TOR1A: variants seen among roughly 807,000 people sequenced by gnomAD.
TOR1A encodes the protein torsin family 1 member A, also known as torsin-1A.
A neutral mutation model predicts 31.4 loss-of-function variants in TOR1A; 18 were observed. That is an observed-to-expected ratio of 0.57 (90% CI 0.40 to 0.85). The LOEUF is 0.85. Ranked by LOEUF, TOR1A falls within the 40% of genes least tolerant of loss-of-function variation. TOR1A has a pLI of 0.00. For missense variants in TOR1A, 375 were observed against 416.4 expected, an observed-to-expected ratio of 0.90 and a Z score of 0.87; for synonymous variants, 168 against 165.9, an observed-to-expected ratio of 1.01 and a Z score of -0.10.
intron 1 of TOR1A, 38 bp downstream of exon 1, chr9:129,823,869 CA>C: frequency 1.3e-6 from 2 of 1,536,924 alleles, no homozygotes; most frequent in Non-Finnish European, 8.8e-7. Context: ...CGCCCAGCCC[CA>C]GCCCCAGCCC....
At position 129,823,896 on chromosome 9, in the gene TOR1A, G is replaced by A; in HGVS notation, c.178+12C>T. ...GCCCCAGCCCCAGCCTCCAGCCCCC[G>A]CCCCAGCCTACCCTCCCGGCTAAGG... On this transcript the variant is annotated intron_variant, in intron 1 of 4. Transcript: ENST00000351698. 1 of 587,712 alleles carries A rather than the reference G, an allele frequency of 1.7e-6. No individual in the cohort carries two copies. Among genetic ancestry groups the A allele is most frequent in the Non-Finnish European group, 2.9e-6 (1 of 350,154 alleles). The allele number at this position is 587,712 out of a possible 1,614,324, so 36.4% of individuals were successfully genotyped here.
At chr9:129,818,458 T>C (rs1380824724) in intron 4 of TOR1A, 62 bp downstream of exon 4, 10 of 1,609,766 alleles carry the variant, frequency 6.2e-6, no homozygotes, top group African/African-American at 1.3e-5. Flanking sequence ...CCCTGATGCT[T>C]TTAACACTTA....
rs963957915 is a variant in TOR1A, at chr9:129,813,666, A to C, written c.*306T>G. On this transcript the variant is annotated 3_prime_UTR_variant, in exon 5 of 5. Transcript: ENST00000351698. Reference sequence around the variant, plus strand: ...AATAAAACTTATTCATCCTTCCTTGAAACAGAAACACTTGGAATTAAAACA... The same window carrying C: ...AATAAAACTTATTCATCCTTCCTTGCAACAGAAACACTTGGAATTAAAACA... The C allele has an allele frequency of 1.5e-5, 7 of 472,300 alleles. No homozygotes were observed. The East Asian group carries it at 2.8e-4, about 19-fold the overall frequency. The allele number at this position is 472,300 out of a possible 1,614,324, so 29.3% of individuals were successfully genotyped here.
intron 4 of TOR1A, among the ~76,000 whole-genome samples, chr9:129,814,887 C>T (rs2131002003): frequency 6.6e-6 from 1 of 152,290 alleles, no homozygotes; most frequent in East Asian, 1.9e-4. Context: ...TGCCCAGACC[C>T]TGCAGAGCAT....
intron 4 of TOR1A, 44 bp from the exon 5 acceptor site, chr9:129,814,266 C>G: frequency 6.2e-7 from 1 of 1,613,306 alleles, no homozygotes; most frequent in Non-Finnish European, 8.5e-7. Flanking sequence ...ATCCACCCAC[C>G]TGCCCTATAG....
intron 4 of TOR1A, among the ~76,000 whole-genome samples, chr9:129,818,092 A>C (rs2031086798): frequency 6.6e-6 from 1 of 152,012 alleles, no homozygotes; most frequent in Non-Finnish European, 1.5e-5. Context: ...GGATCACCTG[A>C]GGTAAGAGTT....
At chr9:129,821,943 G>A (rs1474878660) in intron 2 of TOR1A, 1 of 161,584 alleles carries the variant, frequency 6.2e-6, no homozygotes, top group Admixed American at 5.9e-5. Context: ...AACAAACTTA[G>A]GACTCTACAT....
chr9:129,819,521 C>G (rs1469218652), intron 2 of TOR1A, among the ~76,000 whole-genome samples: 1 of 150,704 alleles, frequency 6.6e-6, no homozygotes, highest in East Asian at 2.0e-4. Context: ...TTTGGGAGGC[C>G]AAAGTGGGTG....
intron 4 of TOR1A, 125 bp from the exon 5 acceptor site, chr9:129,814,347 T>C: frequency 6.9e-7 from 1 of 1,441,502 alleles, no homozygotes; most frequent in East Asian, 2.4e-5. Flanking sequence ...CACCTATCCA[T>C]GCCACACACA....
Position 129,824,102 on chromosome 9 carries a change from C to A in TOR1A, c.-17G>T. 1 of 1,557,236 alleles carries A rather than the reference C, an allele frequency of 6.4e-7. No homozygotes were observed. The highest frequency in any genetic ancestry group is 8.6e-7 in the Non-Finnish European group (1 of 1,156,494). On this transcript the variant is annotated 5_prime_UTR_variant, in exon 1 of 5. Coordinates refer to ENST00000351698, the MANE Select transcript of TOR1A (RefSeq NM_000113.3). ...CAGCTTCATGCCCGGACCCGCGCCA[C>A]CCTGCTTGTTCTCGCGCCGACCGCG...
At chr9:129,816,595 C>T (rs1251738669) in intron 4 of TOR1A, among the ~76,000 whole-genome samples, 1 of 152,198 alleles carries the variant, frequency 6.6e-6, no homozygotes, top group African/African-American at 2.4e-5. Context: ...TTACCAGATG[C>T]TCCATATACA....
At chr9:129,817,179 C>A (rs2031060729) in intron 4 of TOR1A, among the ~76,000 whole-genome samples, 1 of 152,248 alleles carries the variant, frequency 6.6e-6, no homozygotes, top group South Asian at 2.1e-4. Flanking sequence ...GAGTCTCAGT[C>A]TCTACCCTGC....
In TOR1A at chr9:129,816,234, A is replaced by G. The variant is rs892843091; in HGVS notation, c.749-2012T>C. 5.3e-5 allele frequency among the ~76,000 whole-genome samples: 8 copies of G among 152,014 alleles called. No individual in the cohort carries two copies. In the East Asian group the frequency reaches 1.5e-3, roughly 29 times the overall value. ...GAATGCTTTTCCCTCAGACATCCAC[A>G]TGGCTCACTCCCCCGGGTCAGCCCA... is the stretch of plus-strand genomic sequence containing the variant. On this transcript the variant is annotated intron_variant, in intron 4 of 4. Coordinates refer to ENST00000351698, the MANE Select transcript of TOR1A (RefSeq NM_000113.3).
chr9:129,819,938 A>G (rs2031140415), intron 2 of TOR1A, among the ~76,000 whole-genome samples: 2 of 148,516 alleles, frequency 1.3e-5, no homozygotes, highest in Non-Finnish European at 3.0e-5. Context: ...CTCAAAAAAA[A>G]AAAATAATAA....
Position 129,813,981 on chromosome 9 carries a change from G to A in TOR1A, c.990C>T (p.Tyr330=), listed in dbSNP as rs148849547. ...CTGCCAATCATGACTGTCAATCATC[G>A]TAGTAATAATCTAACTTGGTGAACA... ...KTVFTKLDYY[Y]DD is the part of the protein sequence containing the mutation. Residue 330 remains tyrosine (Y), a synonymous_variant, in exon 5 of 5, where the codon TAC becomes TAT. Coordinates refer to ENST00000351698, the MANE Select transcript of TOR1A (RefSeq NM_000113.3). 203 of 1,613,956 alleles carry A rather than the reference G, an allele frequency of 1.3e-4. No homozygotes were observed. The highest frequency in any genetic ancestry group is 1.6e-4 in the Non-Finnish European group (191 of 1,180,048).
chr9:129,818,812 G>A lies in TOR1A; in HGVS notation c.553C>T (p.Pro185Ser). The A allele has an allele frequency of 6.2e-7, 1 of 1,613,750 alleles. No homozygotes were observed. Among genetic ancestry groups the A allele is most frequent in the South Asian group, 1.1e-5 (1 of 91,078 alleles). Residue 185 changes from proline (P) to serine (S), a missense_variant, in exon 3 of 5, where the codon CCT becomes TCT. Coordinates refer to ENST00000351698, the MANE Select transcript of TOR1A (RefSeq NM_000113.3). ...ACCAGGTCATAATAGTCGAGGAAAG[G>A]CTTGATGGCATCTATGAGGCCTGCA... ...MHAGLIDAIK[P>S]FLDYYDLVDG...
chr9:129,822,323 G>GCCGT, intron 2 of TOR1A: 1 of 525,190 alleles, frequency 1.9e-6, no homozygotes, highest in Non-Finnish European at 3.5e-6. Flanking sequence ...AGATGGATTT[G>GCCGT]ATCATGTCCA....
At chr9:129,814,387 C>T (rs1485482146) in intron 4 of TOR1A, among the ~76,000 whole-genome samples, 165 bp from the exon 5 acceptor site, 1 of 138,802 alleles carries the variant, frequency 7.2e-6, no homozygotes, top group African/African-American at 2.7e-5. Context: ...CCACCCCCCC[C>T]ACATCTACTA....
intron 2 of TOR1A, chr9:129,822,116 A>G: frequency 4.1e-6 from 1 of 246,694 alleles, no homozygotes; most frequent in South Asian, 4.2e-5. Flanking sequence ...AAATACAAAA[A>G]TTAGCTGGGC....
Sources: gnomAD v4.1 joint callset for allele counts (sites outside exome capture counted in the v4.1 genomes callset) on GRCh38, gnomAD v4.1.1 for gene constraint, MANE v1.5 for transcripts, NCBI Gene and HGNC (gene_info 2026-07-23, HGNC 2026-07-21) for gene names.